Variants in KIAA1671 observed in about 807,000 individuals in gnomAD.
KIAA1671 encodes the protein uncharacterized protein KIAA1671.
KIAA1671 carries 52 observed loss-of-function variants against 131.2 expected under a neutral mutation model. That is an observed-to-expected ratio of 0.40 (90% CI 0.32 to 0.50). The LOEUF is 0.50. KIAA1671 is among the 20% of genes least tolerant of loss of function. The pLI, the probability that KIAA1671 is intolerant of heterozygous loss-of-function variation, is 0.73. For synonymous variants in KIAA1671, 1,003 were observed against 961.6 expected (o/e 1.04, Z -0.80); for missense variants, 2,360 against 2,364.2 (o/e 1.00, Z 0.04).
chr22:25,171,001 C>T, intron 7 of KIAA1671, 63 bp downstream of exon 7: 3 of 1,247,710 alleles, frequency 2.4e-6, no homozygotes, highest in Non-Finnish European at 2.3e-6. Flanking sequence ...TTGCTGCAGC[C>T]CACCCACCTC....
At chr22:25,175,589 C>T (rs145099785) in intron 8 of KIAA1671, 13 of 152,346 alleles carry the variant, frequency 8.5e-5, no homozygotes, top group African/African-American at 2.2e-4. Context: ...CAGTTATTCA[C>T]TCAACAGACA....
Position 25,028,612 on chromosome 22 carries a change from C to T in KIAA1671, c.613C>T (p.Pro205Ser). 6.5e-6 allele frequency: 9 copies of T among 1,394,080 alleles called. No individual in the cohort carries two copies. Among genetic ancestry groups the T allele is most frequent in the Non-Finnish European group, 6.6e-6 (7 of 1,052,780 alleles). 86.4% of individuals were successfully genotyped at this position (1,394,080 alleles called of 1,614,324 possible). ...RSAPLSQDTK[P>S]PVPQEEAGQD... ...AGCTCCCCTGTCTCAGGACACAAAA[C>T]CACCTGTACCCCAAGAGGAGGCAGG... Residue 205 changes from proline (P) to serine (S), a missense_variant, in exon 3 of 13, where the codon CCA (proline) becomes TCA (serine). This residue lies in a region of KIAA1671 where 1,185 missense variants were observed against 1,126.2 expected (regional missense o/e 1.05). Coordinates refer to ENST00000358431, the MANE Select transcript of KIAA1671 (RefSeq NM_001145206.2).
Position 25,044,440 on chromosome 22 carries a change from C to T in KIAA1671, c.4395+2915C>T, listed in dbSNP as rs955594033. On this transcript the variant is annotated intron_variant, in intron 5 of 12. Transcript: ENST00000358431. ...CAGGGCCCGCTGGTGGTGGGGGAGT[C>T]GGGATGTTGTGGAGGGGGGATCCTG... is the stretch of plus-strand genomic sequence containing the variant. 9.2e-5 allele frequency among the ~76,000 whole-genome samples: 14 copies of T among 152,086 alleles called. No individual in the cohort carries two copies. In the East Asian group the frequency reaches 2.1e-3, roughly 23 times the overall value.
intron 11 of KIAA1671, chr22:25,185,456 C>T (rs1356165390): frequency 7.7e-6 from 2 of 261,026 alleles, no homozygotes; most frequent in Admixed American, 4.8e-5. Context: ...CATTCTCCCT[C>T]CTCTTCCCCT....
At chr22:24,958,442 G>A (rs1313609426) in intron 1 of KIAA1671, among the ~76,000 whole-genome samples, 1 of 152,030 alleles carries the variant, frequency 6.6e-6, no homozygotes, top group Non-Finnish European at 1.5e-5. Flanking sequence ...CTGAGGTCAG[G>A]AGTTCGAGAG....
At chr22:25,001,486 T>C (rs1640626424) in intron 1 of KIAA1671, among the ~76,000 whole-genome samples, 1 of 152,154 alleles carries the variant, frequency 6.6e-6, no homozygotes, top group South Asian at 2.1e-4. Context: ...AGTTGATGCC[T>C]GCCCCAATGT....
intron 1 of KIAA1671, among the ~76,000 whole-genome samples, chr22:24,999,332 T>C (rs919181952): frequency 1.3e-5 from 2 of 152,150 alleles, no homozygotes; most frequent in African/African-American, 2.4e-5. Flanking sequence ...CCTCCTGGGC[T>C]CAATTCACCC....
At chr22:24,991,682 C>T (rs1043066722) in intron 1 of KIAA1671, among the ~76,000 whole-genome samples, 6 of 147,854 alleles carry the variant, frequency 4.1e-5, no homozygotes, top group South Asian at 2.2e-4. Flanking sequence ...AGGATGGTCA[C>T]GATCTCCTGA....
intron 6 of KIAA1671, among the ~76,000 whole-genome samples, chr22:25,090,877 T>G (rs1335460541): frequency 3.3e-5 from 5 of 152,238 alleles, no homozygotes; most frequent in Middle Eastern, 6.3e-3. Context: ...AATTCCATGC[T>G]GTGAATGTTC....
chr22:25,053,317 C>T (rs2145824909), intron 6 of KIAA1671: 2 of 152,370 alleles, frequency 1.3e-5, no homozygotes, highest in Middle Eastern at 6.8e-3. Flanking sequence ...CAGGCTTCCT[C>T]CCTCTCCTCT....
intron 1 of KIAA1671, among the ~76,000 whole-genome samples, chr22:24,981,669 G>A (rs1252761199): frequency 6.6e-6 from 1 of 152,222 alleles, no homozygotes; most frequent in East Asian, 1.9e-4. Context: ...AGCGCTTTGG[G>A]AGGCCAAGGC....
intron 1 of KIAA1671, among the ~76,000 whole-genome samples, chr22:24,984,912 CAAAA>C (rs60969204): frequency 4.8e-4 from 26 of 54,452 alleles, no homozygotes; most frequent in African/African-American, 1.4e-3. Context: ...GACTACGTCT[CAAAA>C]AAAAAAAAAA....
intron 1 of KIAA1671, among the ~76,000 whole-genome samples, chr22:24,975,726 A>C (rs1922876447): frequency 6.6e-6 from 1 of 152,184 alleles, no homozygotes; most frequent in African/African-American, 2.4e-5. Flanking sequence ...GACAGGCAGT[A>C]TTGATCTCTT....
At chr22:25,143,678 C>T (rs565061520) in intron 6 of KIAA1671, among the ~76,000 whole-genome samples, 117 of 152,254 alleles carry the variant, frequency 7.7e-4, no homozygotes, top group Non-Finnish European at 1.4e-3. Context: ...GTCCTCTGCC[C>T]CATTTTCCCT....
At chr22:24,995,253 C>T (rs995160211) in intron 1 of KIAA1671, among the ~76,000 whole-genome samples, 29 of 151,960 alleles carry the variant, frequency 1.9e-4, no homozygotes, top group African/African-American at 6.5e-4. Flanking sequence ...AGGGTTTCGC[C>T]ATGTTAGCCA....
chr22:25,185,379 C>T (rs964094935), intron 11 of KIAA1671: 2 of 434,958 alleles, frequency 4.6e-6, no homozygotes, highest in African/African-American at 4.1e-5. Flanking sequence ...CATGGAACGC[C>T]AGGGCACCAT....
chr22:25,043,915 T>C (rs713696), intron 5 of KIAA1671, among the ~76,000 whole-genome samples: 7,496 of 152,140 alleles, frequency 0.049, 213 homozygotes, highest in East Asian at 0.12. Context: ...GGGCAAAACC[T>C]TTCACCTCCC....
At chr22:24,997,260 G>T (rs999372888) in intron 1 of KIAA1671, among the ~76,000 whole-genome samples, 3 of 152,130 alleles carry the variant, frequency 2.0e-5, no homozygotes, top group Non-Finnish European at 2.9e-5. Context: ...CTGGCTGCAG[G>T]GGTCTGGAAG....
chr22:24,956,859 G>A (rs1328697594), intron 1 of KIAA1671, among the ~76,000 whole-genome samples: 3 of 133,940 alleles, frequency 2.2e-5, no homozygotes, highest in Admixed American at 7.6e-5. Context: ...GCGAGAGAGC[G>A]AGACTCTGTC....
Sources: gnomAD v4.1 joint callset for allele counts (sites outside exome capture counted in the v4.1 genomes callset) on GRCh38, gnomAD v4.1.1 for gene constraint, gnomAD v4.1.1 regional missense constraint, MANE v1.5 for transcripts, NCBI Gene and HGNC (gene_info 2026-07-23, HGNC 2026-07-21) for gene names.